C16orf74: variants seen among roughly 807,000 people sequenced by gnomAD.
C16orf74 encodes uncharacterized protein C16orf74.
A neutral mutation model predicts 6.5 loss-of-function variants in C16orf74; 10 were observed. The ratio of observed to expected loss-of-function variants is 1.54; its 90% CI spans 0.95 to 2.61. The LOEUF (loss-of-function observed/expected upper bound fraction) is 2.61, where lower values mean the gene tolerates loss of function less well. Ranked by LOEUF, C16orf74 falls within the 30% of genes most tolerant of loss-of-function variation. The pLI, the probability that C16orf74 is intolerant of heterozygous loss-of-function variation, is 0.00. For missense variants in C16orf74, 141 were observed against 105.9 expected, an observed-to-expected ratio of 1.33 and a Z score of -1.45; for synonymous variants, 60 against 42.5, an observed-to-expected ratio of 1.41 and a Z score of -1.60.
At chr16:85,738,683 G>C (rs1447589726) in intron 1 of C16orf74, among the ~76,000 whole-genome samples, 1 of 151,888 alleles carries the variant, frequency 6.6e-6, no homozygotes, top group East Asian at 1.9e-4. Context: ...GCAGGAGAGA[G>C]AATCCTTCCC....
chr16:85,723,253 C>G (rs1350121976), intron 2 of C16orf74, among the ~76,000 whole-genome samples: 2 of 121,834 alleles, frequency 1.6e-5, no homozygotes, highest in South Asian at 2.8e-4. Flanking sequence ...GAGCAAGACT[C>G]CATCTCAAAA....
At chr16:85,725,273 T>G (rs2054122198) in intron 2 of C16orf74, among the ~76,000 whole-genome samples, 1 of 151,724 alleles carries the variant, frequency 6.6e-6, no homozygotes, top group African/African-American at 2.4e-5. Context: ...GTTCAGAAGG[T>G]TCCAGAAAGA....
intron 2 of C16orf74, among the ~76,000 whole-genome samples, chr16:85,712,063 C>T (rs1462995226): frequency 6.6e-6 from 1 of 152,192 alleles, no homozygotes; most frequent in Admixed American, 6.5e-5. Flanking sequence ...GGAACACTTG[C>T]TCTTGGGGAA....
At chr16:85,733,033 C>T (rs1482744467) in intron 2 of C16orf74, among the ~76,000 whole-genome samples, 1 of 152,182 alleles carries the variant, frequency 6.6e-6, no homozygotes, top group Non-Finnish European at 1.5e-5. Flanking sequence ...TCTTGGTCTA[C>T]CTTCCTGATC....
intron 2 of C16orf74, among the ~76,000 whole-genome samples, chr16:85,728,501 A>G (rs2054156184): frequency 1.3e-5 from 2 of 152,130 alleles, no homozygotes; most frequent in South Asian, 4.1e-4. Flanking sequence ...ACTGGAGTTA[A>G]CCCAGGCTGG....
intron 1 of C16orf74, among the ~76,000 whole-genome samples, chr16:85,746,144 G>A (rs1020857923): frequency 9.2e-5 from 14 of 152,190 alleles, no homozygotes; most frequent in African/African-American, 2.2e-4. Context: ...GAGGCTGGGC[G>A]TTCAAGACCA....
intron 1 of C16orf74, among the ~76,000 whole-genome samples, chr16:85,748,385 G>C (rs1298714253): frequency 6.6e-6 from 1 of 151,816 alleles, no homozygotes; most frequent in African/African-American, 2.4e-5. Flanking sequence ...GGATCACGAG[G>C]TCAGGAGTTT....
rs942417715 is a variant in C16orf74, at chr16:85,728,357, A to G, written c.28+6833T>C. On this transcript the variant is annotated intron_variant, in intron 2 of 3. Coordinates refer to ENST00000284245, the MANE Select transcript of C16orf74 (RefSeq NM_206967.3). ...GTCCTAAAAAATAAAGTCTAATTAA[A>G]AAAACAATGACAAACTACCAACCCA... Among the ~76,000 whole-genome samples the G allele has an allele frequency of 4.6e-5, 7 of 152,308 alleles. No homozygotes were observed. The South Asian group carries it at 1.4e-3, about 32-fold the overall frequency.
At chr16:85,732,934 G>C (rs1280800117) in intron 2 of C16orf74, among the ~76,000 whole-genome samples, 1 of 152,194 alleles carries the variant, frequency 6.6e-6, no homozygotes, top group East Asian at 1.9e-4. Flanking sequence ...CACGAGCCCT[G>C]ATCTGGCTGC....
intron 2 of C16orf74, among the ~76,000 whole-genome samples, chr16:85,720,558 A>G (rs1390774139): frequency 6.6e-6 from 1 of 152,196 alleles, no homozygotes; most frequent in African/African-American, 2.4e-5. Flanking sequence ...GCTTGAGCCC[A>G]GCAATTCTGT....
intron 2 of C16orf74, 174 bp from the exon 3 acceptor site, chr16:85,710,481 A>C (rs966057797): frequency 1.8e-6 from 1 of 543,878 alleles, no homozygotes; most frequent in Non-Finnish European, 3.1e-6. Flanking sequence ...CGTCTCAGGA[A>C]TGAAAAAGGA....
chr16:85,742,768 C>T (rs1460688981), intron 1 of C16orf74, among the ~76,000 whole-genome samples: 1 of 152,132 alleles, frequency 6.6e-6, no homozygotes, highest in African/African-American at 2.4e-5. Flanking sequence ...CTTGAACTCC[C>T]AACCTCAGGT....
At chr16:85,733,443 T>C (rs1307816661) in intron 2 of C16orf74, among the ~76,000 whole-genome samples, 1 of 152,160 alleles carries the variant, frequency 6.6e-6, no homozygotes, top group African/African-American at 2.4e-5. Flanking sequence ...CAGTTGGAGA[T>C]GATGAAACCT....
chr16:85,708,811 G>C (rs184138070), intron 3 of C16orf74, among the ~76,000 whole-genome samples: 1 of 152,186 alleles, frequency 6.6e-6, no homozygotes, highest in African/African-American at 2.4e-5. Context: ...ATCTGGAAGG[G>C]TCTATGGATT....
At chr16:85,727,356 C>T (rs927467412) in intron 2 of C16orf74, among the ~76,000 whole-genome samples, 2 of 152,202 alleles carry the variant, frequency 1.3e-5, no homozygotes, top group African/African-American at 4.8e-5. Context: ...GAGGGAGTCA[C>T]AGCCATGCCT....
At chr16:85,712,509 G>A (rs1373931183) in intron 2 of C16orf74, among the ~76,000 whole-genome samples, 1 of 152,176 alleles carries the variant, frequency 6.6e-6, no homozygotes, top group African/African-American at 2.4e-5. Context: ...CCCAAGGGGT[G>A]TTCCTCTGAG....
chr16:85,735,690 T>C (rs2054236881), intron 1 of C16orf74, among the ~76,000 whole-genome samples: 1 of 151,844 alleles, frequency 6.6e-6, no homozygotes, highest in East Asian at 1.9e-4. Context: ...AATGCTTTTT[T>C]TTTTTCCCCT....
chr16:85,735,128 G>GC (rs1156754597), intron 2 of C16orf74, 62 bp downstream of exon 2: 5 of 1,499,880 alleles, frequency 3.3e-6, no homozygotes, highest in East Asian at 2.4e-5. Flanking sequence ...CCTCTCTCCT[G>GC]CCCCCCAACC....
intron 2 of C16orf74, among the ~76,000 whole-genome samples, chr16:85,734,155 A>T (rs1321835146): frequency 6.6e-6 from 1 of 152,196 alleles, no homozygotes; most frequent in African/African-American, 2.4e-5. Flanking sequence ...AGCCTGCCTA[A>T]ACCCAAAGGA....
Sources: gnomAD v4.1 joint callset for allele counts (sites outside exome capture counted in the v4.1 genomes callset) on GRCh38, gnomAD v4.1.1 for gene constraint, MANE v1.5 for transcripts, NCBI Gene and HGNC (gene_info 2026-07-23, HGNC 2026-07-21) for gene names.